Variants in INKA2 observed in about 807,000 individuals in gnomAD.
INKA2 encodes PAK4-inhibitor INKA2.
INKA2 carries 3 observed loss-of-function variants against 9.8 expected under a neutral mutation model. The ratio of observed to expected loss-of-function variants is 0.31; its 90% CI spans 0.14 to 0.79. The LOEUF is 0.79. Ranked by LOEUF, INKA2 falls within the 30% of genes least tolerant of loss-of-function variation. INKA2 has a pLI of 0.62. For missense variants in INKA2, 392 were observed against 384.4 expected, an observed-to-expected ratio of 1.02 and a Z score of -0.17; for synonymous variants, 147 against 143.3, an observed-to-expected ratio of 1.03 and a Z score of -0.18.
chr1:111,737,720 C>CT (rs1358944645), intron 1 of INKA2, among the ~76,000 whole-genome samples: 1 of 152,200 alleles, frequency 6.6e-6, no homozygotes, highest in Non-Finnish European at 1.5e-5. Context: ...ACTCCTGTCT[C>CT]TCAAGAAATT....
chr1:111,727,502 G>A lies in INKA2; in HGVS notation c.360C>T (p.Pro120=), dbSNP rs1279592287. The A allele has an allele frequency of 1.9e-6, 3 of 1,614,210 alleles. No individual in the cohort carries two copies. Among genetic ancestry groups the A allele is most frequent in the Non-Finnish European group, 1.7e-6 (2 of 1,180,048 alleles). The part of the protein sequence containing the change: ...SVCGRDLAPL[P]RTQPHQSCAQ... ...CACAGCTTTGATGTGGCTGTGTCCTGGGCAAGGGGGCTAAATCCCTTCCAC... is the reference window on the plus strand; with the variant it reads ...CACAGCTTTGATGTGGCTGTGTCCTAGGCAAGGGGGCTAAATCCCTTCCAC... Residue 120 remains proline (P), a synonymous_variant, in exon 2 of 2, where the codon CCC becomes CCT. Transcript: ENST00000357260.
chr1:111,723,424 G>C lies in INKA2; in HGVS notation c.*3544C>G. On this transcript the variant is annotated 3_prime_UTR_variant, in exon 2 of 2. Coordinates refer to ENST00000357260, the MANE Select transcript of INKA2 (RefSeq NM_019099.5). ...GAAAGGGAGGAGGGAGACCAGGCCG[G>C]CCCCACTAGCATGCCCAGCAGGGAC... 1 of 258,832 alleles carries C rather than the reference G, an allele frequency of 3.9e-6. No individual in the cohort carries two copies. The allele number at this position is 258,832 out of a possible 1,614,324, so 16.0% of individuals were successfully genotyped here.
Position 111,727,305 on chromosome 1 carries a change from C to T in INKA2, c.557G>A (p.Gly186Glu), listed in dbSNP as rs776587023. 5 of 1,614,046 alleles carry T rather than the reference C, an allele frequency of 3.1e-6. No homozygotes were observed. In the East Asian group the frequency reaches 8.9e-5, roughly 29 times the overall value. Residue 186 changes from glycine to glutamate, a missense_variant, in exon 2 of 2, where the codon GGG (glycine) becomes GAG (glutamate). Physicochemically the swap from Gly to Glu is moderately conservative, Grantham distance 98. Transcript: ENST00000357260. ...TTTCTCTCCTTTGGGTTCACGTGCC[C>T]CCCCAGTCTCACCCTTCTCCCCACC... is the stretch of plus-strand genomic sequence containing the variant. The part of the protein sequence containing the change: ...EKGGEKGETG[G>E]AREPKGEKGQ...
chr1:111,744,749 T>A (rs999375803), intron 1 of INKA2, among the ~76,000 whole-genome samples: 14 of 152,040 alleles, frequency 9.2e-5, no homozygotes, highest in African/African-American at 3.4e-4. Flanking sequence ...GCCCAGCTAA[T>A]TTTTGTATTT....
intron 1 of INKA2, chr1:111,746,251 A>G (rs1663271555): frequency 1.3e-5 from 2 of 152,246 alleles, no homozygotes. Context: ...TGACTGCACT[A>G]GCAACAGTCT....
At chr1:111,744,501 C>T (rs564316766) in intron 1 of INKA2, 1 of 151,854 alleles carries the variant, frequency 6.6e-6, no homozygotes, top group South Asian at 2.1e-4. Context: ...CTAAGGTGGA[C>T]TATTGAAATG....
chr1:111,742,845 G>C (rs1179256872), upstream of INKA2, among the ~76,000 whole-genome samples: 1 of 152,242 alleles, frequency 6.6e-6, no homozygotes. Flanking sequence ...GTCTAACTCT[G>C]AAGTCCTTTC....
chr1:111,748,664 C>T (rs1393162362), intron 1 of INKA2, among the ~76,000 whole-genome samples: 7 of 152,176 alleles, frequency 4.6e-5, no homozygotes, highest in African/African-American at 1.7e-4. Flanking sequence ...CCTTGCCTCC[C>T]CTCCCCCTGA....
intron 1 of INKA2, among the ~76,000 whole-genome samples, chr1:111,744,722 C>T (rs2101387956): frequency 6.6e-6 from 1 of 152,204 alleles, no homozygotes; most frequent in Non-Finnish European, 1.5e-5. Context: ...GTGCAGACTA[C>T]AGGTGTGCGC....
intron 1 of INKA2, among the ~76,000 whole-genome samples, chr1:111,749,949 C>CCCTA (rs3085899): frequency 1 from 152,319 of 152,330 alleles, 76,154 homozygotes; most frequent in Middle Eastern, 1. Context: ...CCATGAACCT[C>CCCTA]CCTAATAAAT....
intron 1 of INKA2, among the ~76,000 whole-genome samples, chr1:111,751,959 G>C (rs1370537085): frequency 7.5e-6 from 1 of 133,408 alleles, no homozygotes; most frequent in Admixed American, 7.6e-5. Flanking sequence ...TTTTTTTTTT[G>C]CAAGAAGGTA....
rs556290991 is a variant in INKA2 at position 111,723,300 on chromosome 1, G to A, written c.*3668C>T. 2 of 523,400 alleles carry A rather than the reference G, an allele frequency of 3.8e-6. No homozygotes were observed. The highest frequency in any genetic ancestry group is 6.7e-5 in the East Asian group (2 of 29,938). The allele number at this position is 523,400 out of a possible 1,614,324, so 32.4% of individuals were successfully genotyped here. A position where few individuals can be genotyped will look rare whatever the true frequency, so the allele number is the denominator to read the frequency against. ...AGAGGACAGAGCAACCTTCTTTGGG[G>A]CAAGTTTGGGTTCAGAGATCACCCT... On this transcript the variant is annotated 3_prime_UTR_variant, in exon 2 of 2. Coordinates refer to ENST00000357260, the MANE Select transcript of INKA2 (RefSeq NM_019099.5).
intron 1 of INKA2, among the ~76,000 whole-genome samples, chr1:111,728,071 A>C (rs1443674388): frequency 4.2e-5 from 5 of 119,788 alleles, no homozygotes; most frequent in Non-Finnish European, 9.3e-5. Flanking sequence ...ACACACACAC[A>C]CAGACATTTC....
intron 1 of INKA2, chr1:111,754,185 T>C (rs1260064940): frequency 6.6e-6 from 1 of 152,248 alleles, no homozygotes; most frequent in African/African-American, 2.4e-5. Flanking sequence ...GAGTCAAGAA[T>C]AATTCCCAGG....
intron 1 of INKA2, chr1:111,745,293 A>ATATATTTTT (rs1358304932): frequency 2.0e-5 from 1 of 49,272 alleles, no homozygotes; most frequent in African/African-American, 7.1e-5. Flanking sequence ...ATATATATAT[A>ATATATTTTT]TTTTTTTTTT....
chr1:111,726,980 A>G lies in INKA2; in HGVS notation c.882T>C (p.Ala294=), dbSNP rs751594273. Residue 294 remains alanine (A), a synonymous_variant, in exon 2 of 2, where the codon GCT becomes GCC. Transcript: ENST00000357260. ...CTGTCTCTAGGATTCAGACCCAAAC[A>G]GCTGTGTTAATATCAAATCCTGAGG... is the stretch of plus-strand genomic sequence containing the variant. The part of the protein sequence containing the change: ...HSPSGFDINT[A]VWV The G allele has an allele frequency of 6.2e-7, 1 of 1,613,092 alleles. No homozygotes were observed. The highest frequency in any genetic ancestry group is 2.2e-5 in the East Asian group (1 of 44,820).
intron 1 of INKA2, among the ~76,000 whole-genome samples, chr1:111,729,052 C>A (rs1407769908): frequency 6.6e-6 from 1 of 152,080 alleles, no homozygotes; most frequent in Non-Finnish European, 1.5e-5. Flanking sequence ...TAGCTGGGAC[C>A]ACAGGTGTGT....
At chr1:111,754,053 C>G (rs180791593) in intron 1 of INKA2, 25 of 151,990 alleles carry the variant, frequency 1.6e-4, no homozygotes, top group African/African-American at 5.3e-4. Flanking sequence ...GAGGTTTTTG[C>G]GAGTTAGGAT....
intron 1 of INKA2, 73 bp downstream of exon 1, chr1:111,739,113 G>A (rs1355991335): frequency 6.9e-7 from 1 of 1,459,638 alleles, no homozygotes; most frequent in South Asian, 1.2e-5. Flanking sequence ...GGCTCCCCGG[G>A]GGCCGGGGCG....
Sources: allele counts gnomAD v4.1 joint callset (sites outside exome capture counted in the v4.1 genomes callset), GRCh38; gene constraint gnomAD v4.1.1; transcripts MANE v1.5; gene names NCBI Gene and HGNC (gene_info 2026-07-23, HGNC 2026-07-21).